Variants in IQSEC1 observed in about 807,000 individuals in gnomAD.
The protein encoded by IQSEC1 is IQ motif and SEC7 domain-containing protein 1.
In IQSEC1, 31 loss-of-function variants were observed where a neutral mutation model predicts 91.0. That is an observed-to-expected ratio of 0.34 (90% confidence interval 0.26 to 0.46). The LOEUF (loss-of-function observed/expected upper bound fraction) is 0.46. Ranked by LOEUF, IQSEC1 falls within the 20% of genes least tolerant of loss-of-function variation. IQSEC1 has a pLI of 1.00. For missense variants in IQSEC1, 1,388 were observed against 1,575.6 expected (o/e 0.88, Z 2.02); for synonymous variants, 699 against 662.6 (o/e 1.05, Z -0.84).
At chr3:13,006,853 G>C (rs1404707221) in intron 1 of IQSEC1, among the ~76,000 whole-genome samples, 1 of 152,216 alleles carries the variant, frequency 6.6e-6, no homozygotes, top group Non-Finnish European at 1.5e-5. Context: ...CCCAGAGACA[G>C]GCCGTCTTTG....
chr3:13,187,342 T>C (rs1248723955), intron 1 of IQSEC1, among the ~76,000 whole-genome samples: 2 of 152,082 alleles, frequency 1.3e-5, no homozygotes, highest in African/African-American at 2.4e-5. Flanking sequence ...AAAGGAGGGG[T>C]TGGCACTCCC....
chr3:13,206,836 G>A (rs1179720883), intron 1 of IQSEC1, among the ~76,000 whole-genome samples: 1 of 152,108 alleles, frequency 6.6e-6, no homozygotes, highest in African/African-American at 2.4e-5. Context: ...GCCAGGCATG[G>A]ACCAATGATG....
intron 1 of IQSEC1, among the ~76,000 whole-genome samples, chr3:12,973,177 G>A (rs1175042994): frequency 6.6e-6 from 1 of 152,112 alleles, no homozygotes; most frequent in Non-Finnish European, 1.5e-5. Context: ...AACTGCTCAG[G>A]CACCACACCT....
intron 1 of IQSEC1, among the ~76,000 whole-genome samples, chr3:12,959,097 G>C (rs1035363805): frequency 6.6e-6 from 1 of 152,200 alleles, no homozygotes; most frequent in Non-Finnish European, 1.5e-5. Context: ...TGCTGGGTGG[G>C]TGGCAGGATG....
At chr3:13,167,623 C>T (rs921314094) in intron 1 of IQSEC1, among the ~76,000 whole-genome samples, 4 of 152,142 alleles carry the variant, frequency 2.6e-5, no homozygotes, top group African/African-American at 9.7e-5. Context: ...GCTCAGACAG[C>T]CAGTGCTCCC....
rs1253530305 is a variant in IQSEC1 at position 13,265,107 on chromosome 3, C to G, written c.272+17604G>C. Among the ~76,000 whole-genome samples, 3 of 152,304 alleles carry G rather than the reference C, an allele frequency of 2.0e-5. No individual in the cohort carries two copies. In the East Asian group the frequency reaches 5.8e-4, roughly 29 times the overall value. ...GTGACCCTGATCCAGAAGGTCTGGT[C>G]ATGCGTCCCCTCAACCTGTCCAAGT... On this transcript the variant is annotated intron_variant, in intron 1 of 15. Transcript: ENST00000648114.
rs373490909 is a variant in IQSEC1 at position 12,909,464 on chromosome 3, C to T, written c.2417-30G>A. The T allele has an allele frequency of 2.5e-6, 4 of 1,602,090 alleles. No individual in the cohort carries two copies. The highest frequency in any genetic ancestry group is 3.4e-6 in the Non-Finnish European group (4 of 1,171,868). ...AAAAGGGAAGGAGAGGGGAGGAGGC[C>T]CACGGGTCTCAGTGTGTTCTCTGCA... is the stretch of plus-strand genomic sequence containing the variant. On this transcript the variant is annotated intron_variant, in intron 10 of 13. Coordinates refer to ENST00000613206, the MANE Select transcript of IQSEC1 (RefSeq NM_001134382.3). This position sits in a 1 kb window ranked among gnomAD's most constrained non-coding sequence, Gnocchi z 4.9.
chr3:13,244,472 A>C (rs1350450751), intron 1 of IQSEC1, among the ~76,000 whole-genome samples: 3 of 152,214 alleles, frequency 2.0e-5, no homozygotes, highest in Non-Finnish European at 4.4e-5. Flanking sequence ...CAAACGTAGG[A>C]TCCTGGGCTT....
intron 1 of IQSEC1, among the ~76,000 whole-genome samples, chr3:13,058,215 G>A (rs1044034897): frequency 1.3e-5 from 2 of 152,248 alleles, no homozygotes; most frequent in African/African-American, 4.8e-5. Flanking sequence ...GGAGGTTGCA[G>A]TGAGCCGAGA....
rs987992556 is a variant in IQSEC1, at chr3:13,065,833, C to T, written c.23+7159G>A. ...ACAACAGCCAAAAGGCAGAAACAAC[C>T]CAGTGTCCATCAATGGGTGAATGGA... On this transcript the variant is annotated intron_variant, in intron 1 of 13. Coordinates refer to ENST00000613206, the MANE Select transcript of IQSEC1 (RefSeq NM_001134382.3). 3.5e-4 allele frequency among the ~76,000 whole-genome samples: 53 copies of T among 152,322 alleles called. 1 individual carries two copies. The highest frequency in any genetic ancestry group is 1.2e-3 in the African/African-American group (51 of 41,558).
In IQSEC1 at chr3:12,900,225, C is replaced by T. The variant is rs1188467016; in HGVS notation, c.*758G>A. On this transcript the variant is annotated 3_prime_UTR_variant, in exon 14 of 14. Coordinates refer to ENST00000613206, the MANE Select transcript of IQSEC1 (RefSeq NM_001134382.3). The stretch of plus-strand genomic sequence containing the variant: ...CAGTTAGATGCTATGTTACTTGGCA[C>T]AGTTAGTAATGATTGTGTAAAGATT... The T allele has an allele frequency of 1.0e-6, 1 of 983,258 alleles. No homozygotes were observed. Among genetic ancestry groups the T allele is most frequent in the South Asian group, 4.7e-5 (1 of 21,264 alleles). 60.9% of individuals were successfully genotyped at this position (983,258 alleles called of 1,614,324 possible).
chr3:13,172,188 C>T (rs1693629423), intron 1 of IQSEC1, among the ~76,000 whole-genome samples: 1 of 152,240 alleles, frequency 6.6e-6, no homozygotes, highest in South Asian at 2.1e-4. Context: ...TTCCCTCCTT[C>T]CCCAGCCAAG....
At chr3:13,231,614 G>A (rs373513137) in intron 1 of IQSEC1, among the ~76,000 whole-genome samples, 5 of 152,248 alleles carry the variant, frequency 3.3e-5, no homozygotes, top group African/African-American at 1.2e-4. Flanking sequence ...GTGAACCTGG[G>A]GGACACAAAC....
intron 1 of IQSEC1, among the ~76,000 whole-genome samples, chr3:13,196,917 T>A (rs1694140185): frequency 6.6e-6 from 1 of 151,908 alleles, no homozygotes; most frequent in African/African-American, 2.4e-5. Flanking sequence ...GTCTGTGGGA[T>A]CCGGGTGGGG....
At chr3:13,041,707 CT>C (rs1367666642) in intron 1 of IQSEC1, among the ~76,000 whole-genome samples, 1 of 152,208 alleles carries the variant, frequency 6.6e-6, no homozygotes, top group African/African-American at 2.4e-5. Flanking sequence ...CCTGCAGCCC[CT>C]GTCACCTCAG....
intron 1 of IQSEC1, among the ~76,000 whole-genome samples, chr3:13,017,959 G>A (rs1056732894): frequency 5.3e-5 from 8 of 152,148 alleles, no homozygotes; most frequent in Admixed American, 2.0e-4. Context: ...TCCAGAAGGC[G>A]TGGGTGGGGA....
At position 13,150,483 on chromosome 3, in the gene IQSEC1, C is replaced by G. The variant is rs142147106; in HGVS notation, c.302+13621G>C. On this transcript the variant is annotated intron_variant, in intron 2 of 15. Coordinates refer to the IQSEC1 transcript ENST00000648114. ...CAGGTTGGACCATGCGTGAGGTGGC[C>G]TGTTCCCAAGTTATTTATTAGAATC... Among the ~76,000 whole-genome samples the G allele has an allele frequency of 2.7e-3, 412 of 152,310 alleles. 2 individuals are homozygous for G. The highest frequency in any genetic ancestry group is 9.7e-3 in the African/African-American group (403 of 41,556).
chr3:13,082,817 C>T (rs1433799940), intron 2 of IQSEC1, among the ~76,000 whole-genome samples: 1 of 152,196 alleles, frequency 6.6e-6, no homozygotes, highest in Non-Finnish European at 1.5e-5. Context: ...TCCTTTCCGG[C>T]CATGCCCCGA....
At chr3:13,172,245 G>T (rs560067893) in intron 1 of IQSEC1, among the ~76,000 whole-genome samples, 3 of 152,368 alleles carry the variant, frequency 2.0e-5, no homozygotes, top group African/African-American at 7.2e-5. Context: ...TGCCATGGTT[G>T]GGGGAGGTTT....
Sources: allele counts gnomAD v4.1 joint callset (sites outside exome capture counted in the v4.1 genomes callset), GRCh38; gene constraint gnomAD v4.1.1; non-coding constraint Gnocchi (gnomAD v3.1); transcripts MANE v1.5; gene names NCBI Gene and HGNC (gene_info 2026-07-23, HGNC 2026-07-21).